The following AGK variants were observed in gnomAD, a reference collection of about 807,000 sequenced individuals.
AGK encodes acylglycerol kinase, mitochondrial.
AGK carries 52 observed loss-of-function variants against 66.4 expected under a neutral mutation model. The ratio of observed to expected loss-of-function variants is 0.78; its 90% CI spans 0.63 to 0.99. AGK has a LOEUF of 0.99. Ranked by LOEUF, AGK falls within the 50% of genes least tolerant of loss-of-function variation. AGK has a pLI of 0.00. For synonymous variants in AGK, 182 were observed against 181.1 expected (o/e 1.00, Z -0.04); for missense variants, 451 against 506.6 (o/e 0.89, Z 1.05).
chr7:141,581,293 A>G (rs1158735199), intron 2 of AGK, among the ~76,000 whole-genome samples: 1 of 151,874 alleles, frequency 6.6e-6, no homozygotes, highest in Non-Finnish European at 1.5e-5. Flanking sequence ...GTAAAGGAAT[A>G]GTAAAGAAAG....
At chr7:141,651,377 GA>G in intron 14 of AGK, 147 bp from the exon 15 acceptor site, 3 of 675,370 alleles carry the variant, frequency 4.4e-6, no homozygotes, top group South Asian at 1.8e-5. Flanking sequence ...ATCACTGTTG[GA>G]AAAATTATTT....
intron 9 of AGK, among the ~76,000 whole-genome samples, chr7:141,628,289 A>G (rs1796982463): frequency 6.6e-6 from 1 of 152,216 alleles, no homozygotes; most frequent in South Asian, 2.1e-4. Flanking sequence ...CTGTGTATTG[A>G]TGACACAACC....
chr7:141,582,491 A>C (rs1373580276), intron 2 of AGK, among the ~76,000 whole-genome samples: 1 of 151,948 alleles, frequency 6.6e-6, no homozygotes, highest in African/African-American at 2.4e-5. Flanking sequence ...AGTTTTATTT[A>C]ATGTTGGGAA....
At chr7:141,611,089 G>T in intron 5 of AGK, 106 bp from the exon 6 acceptor site, 3 of 595,342 alleles carry the variant, frequency 5.0e-6, no homozygotes, top group African/African-American at 1.9e-5. Context: ...TAAAATTTAC[G>T]AAGACAGTCA....
chr7:141,570,413 T>C (rs962597004), intron 2 of AGK, among the ~76,000 whole-genome samples: 1 of 152,104 alleles, frequency 6.6e-6, no homozygotes, highest in African/African-American at 2.4e-5. Flanking sequence ...TTATTAGAGA[T>C]GTATAAGGCA....
At chr7:141,569,399 C>T (rs543453929) in intron 2 of AGK, among the ~76,000 whole-genome samples, 43 of 151,996 alleles carry the variant, frequency 2.8e-4, no homozygotes, top group African/African-American at 8.2e-4. Flanking sequence ...CCGGGTGTGG[C>T]GGTGTGCGCC....
intron 9 of AGK, among the ~76,000 whole-genome samples, chr7:141,624,122 C>T (rs1411702624): frequency 6.6e-6 from 1 of 152,056 alleles, no homozygotes; most frequent in Non-Finnish European, 1.5e-5. Flanking sequence ...CCTGGCCACC[C>T]GAGAGCCCTG....
At chr7:141,649,563 A>G (rs1797504399) in intron 14 of AGK, among the ~76,000 whole-genome samples, 3 of 152,202 alleles carry the variant, frequency 2.0e-5, no homozygotes, top group Non-Finnish European at 2.9e-5. Flanking sequence ...TTGTTTTTCA[A>G]TTGAAACCAA....
chr7:141,607,390 C>T (rs145385786), intron 5 of AGK, among the ~76,000 whole-genome samples: 2 of 152,230 alleles, frequency 1.3e-5, no homozygotes, highest in African/African-American at 4.8e-5. Flanking sequence ...TTGCAATTCC[C>T]TAATGACATA....
rs1275984316 is a variant in AGK at position 141,555,835 on chromosome 7, G to T, written c.101+268G>T. Among the ~76,000 whole-genome samples the T allele has an allele frequency of 6.6e-6, 1 of 152,218 alleles. No individual in the cohort carries two copies. Among genetic ancestry groups the T allele is most frequent in the Non-Finnish European group, 1.5e-5 (1 of 68,044 alleles). On this transcript the variant is annotated intron_variant, in intron 2 of 15. Transcript: ENST00000649286. The surrounding 1 kb of genome is among the most constrained non-coding windows in gnomAD (Gnocchi z 4.2). ...TTATATTTATAGTGGAAGAGATTAA[G>T]ACATCTTAGAGAAAGAGAAGTCCTT...
At chr7:141,604,372 G>GTA (rs1436838520) in intron 5 of AGK, among the ~76,000 whole-genome samples, 17 of 58,394 alleles carry the variant, frequency 2.9e-4, no homozygotes, top group Admixed American at 6.4e-4. Flanking sequence ...GTGTGTGTGT[G>GTA]TGTATATATA....
At chr7:141,651,875 T>A (rs1797569342) in intron 15 of AGK, among the ~76,000 whole-genome samples, 1 of 152,188 alleles carries the variant, frequency 6.6e-6, no homozygotes, top group African/African-American at 2.4e-5. Context: ...GAGTTTTAGG[T>A]CTCCTTTTAT....
At chr7:141,557,950 C>G (rs1171081494) in intron 2 of AGK, among the ~76,000 whole-genome samples, 1 of 152,132 alleles carries the variant, frequency 6.6e-6, no homozygotes, top group African/African-American at 2.4e-5. Context: ...ATCTCTAGAA[C>G]TTTTTCATCT....
rs1361493771 is a variant in AGK, at chr7:141,654,703, G to C, written c.*1779G>C. 1.3e-5 allele frequency: 2 copies of C among 152,504 alleles called. No homozygotes were observed. The allele number at this position is 152,504 out of a possible 1,614,324, so 9.4% of individuals were successfully genotyped here. A position where few individuals can be genotyped will look rare whatever the true frequency, so the allele number is the denominator to read the frequency against. On this transcript the variant is annotated 3_prime_UTR_variant, in exon 16 of 16. Coordinates refer to ENST00000649286, the MANE Select transcript of AGK (RefSeq NM_018238.4). ...ATAGATCAATGAGGGAGGATTGCGA[G>C]GGGGAAGGGGAGGAAGCAGAGCTGG...
chr7:141,633,224 T>C (rs1797096459), intron 9 of AGK, among the ~76,000 whole-genome samples: 1 of 152,178 alleles, frequency 6.6e-6, no homozygotes, highest in Non-Finnish European at 1.5e-5. Context: ...AAAAATTCCA[T>C]TTAGAATCCT....
intron 5 of AGK, among the ~76,000 whole-genome samples, chr7:141,604,661 G>T (rs1173202610): frequency 1.4e-5 from 2 of 139,470 alleles, no homozygotes; most frequent in Admixed American, 7.5e-5. Context: ...TCATCTCACT[G>T]CACCCTCCGC....
At chr7:141,648,159 A>G (rs1001996208) in intron 13 of AGK, among the ~76,000 whole-genome samples, 2 of 152,142 alleles carry the variant, frequency 1.3e-5, no homozygotes, top group African/African-American at 4.8e-5. Context: ...AGCCACTGCC[A>G]TCAGCGCCAC....
chr7:141,641,837 G>T lies in AGK; in HGVS notation c.904G>T (p.Val302Phe). Reference protein sequence around the residue: ...DALSQEVSPEVWKDVQLSTIE... With the variant: ...DALSQEVSPEFWKDVQLSTIE... ...CCTTTCCCAAGAGGTGAGCCCGGAG[G>T]TCTGGAAAGATGTGCAGCTGTCCAC... The change falls in exon 13 of 16, where the codon GTC becomes TTC. Residue 302 changes from valine to phenylalanine, a missense_variant. Transcript: ENST00000649286. 1 of 1,584,108 alleles carries T rather than the reference G, an allele frequency of 6.3e-7. No individual in the cohort carries two copies. Among genetic ancestry groups the T allele is most frequent in the Non-Finnish European group, 8.6e-7 (1 of 1,164,274 alleles).
At chr7:141,560,865 C>T (rs529737866) in intron 2 of AGK, among the ~76,000 whole-genome samples, 2 of 145,676 alleles carry the variant, frequency 1.4e-5, no homozygotes, top group East Asian at 2.0e-4. Context: ...GGCACGATCT[C>T]GGCTCACTGC....
Sources: allele counts gnomAD v4.1 joint callset (sites outside exome capture counted in the v4.1 genomes callset), GRCh38; gene constraint gnomAD v4.1.1; non-coding constraint Gnocchi (gnomAD v3.1); transcripts MANE v1.5; gene names NCBI Gene and HGNC (gene_info 2026-07-23, HGNC 2026-07-21).